SH3D19: variants seen among roughly 807,000 people sequenced by gnomAD.
SH3D19 encodes the protein SH3 domain-containing protein 19.
Under a neutral mutation model 112.1 loss-of-function variants are expected in SH3D19, and 58 were observed. The ratio of observed to expected loss-of-function variants is 0.52; its 90% confidence interval spans 0.42 to 0.64. The LOEUF (loss-of-function observed/expected upper bound fraction) is 0.64, where lower values mean the gene tolerates loss of function less well. Among genes scored for constraint, SH3D19 ranks in the 30% least tolerant of loss-of-function variants. The pLI, the probability that SH3D19 is intolerant of heterozygous loss-of-function variation, is 0.00. For synonymous variants in SH3D19, 391 were observed against 448.5 expected, an observed-to-expected ratio of 0.87 and a Z score of 1.62; for missense variants, 1,090 against 1,263.4, an observed-to-expected ratio of 0.86 and a Z score of 2.08.
Position 151,147,999 on chromosome 4 carries a change from T to G in SH3D19, c.2005A>C (p.Ser669Arg), listed in dbSNP as rs1414299532. The change falls in exon 11 of 20, where the codon AGT (serine) becomes CGT (arginine). Residue 669 changes from serine to arginine, a missense_variant. By Grantham distance (110) the Ser-to-Arg change is moderately radical. Coordinates refer to ENST00000604030, the MANE Select transcript of SH3D19 (RefSeq NM_001378122.1). ...NLATGLSKAK[S>R]QVFKNQDPVL... ...GGATCTTGATTTTTAAAAACTTGAC[T>G]CTTGGCTTTTGAGAGTCCAGTTGCC... The G allele has an allele frequency of 1.2e-6, 2 of 1,614,196 alleles. No homozygotes were observed. Among genetic ancestry groups the G allele is most frequent in the South Asian group, 2.2e-5 (2 of 91,086 alleles).
chr4:151,173,506 C>G (rs570519335), intron 7 of SH3D19, among the ~76,000 whole-genome samples: 1 of 152,138 alleles, frequency 6.6e-6, no homozygotes, highest in East Asian at 1.9e-4. Flanking sequence ...AACTCACAGA[C>G]GGTTGTTGCA....
intron 12 of SH3D19, among the ~76,000 whole-genome samples, chr4:151,143,291 T>A (rs1034851759): frequency 1.1e-4 from 16 of 152,154 alleles, no homozygotes; most frequent in African/African-American, 3.9e-4. Context: ...GAAAGCTTTT[T>A]GGCAGTATAA....
intron 2 of SH3D19, among the ~76,000 whole-genome samples, chr4:151,223,193 CTTT>C (rs34770104): frequency 6.9e-6 from 1 of 145,050 alleles, no homozygotes; most frequent in East Asian, 2.0e-4. Flanking sequence ...TTCCCAACAA[CTTT>C]TTTTTTTTTT....
chr4:151,156,280 A>G (rs1001314125), intron 9 of SH3D19, among the ~76,000 whole-genome samples: 10 of 152,146 alleles, frequency 6.6e-5, no homozygotes, highest in African/African-American at 9.7e-5. Flanking sequence ...TGCAATCCCT[A>G]TCAAAATACA....
At chr4:151,163,186 G>T (rs1439501147) in intron 8 of SH3D19, among the ~76,000 whole-genome samples, 1 of 152,094 alleles carries the variant, frequency 6.6e-6, no homozygotes, top group Non-Finnish European at 1.5e-5. Flanking sequence ...CTTGCATCTG[G>T]TTTCCTCCAG....
At chr4:151,171,016 A>G (rs182166287) in intron 7 of SH3D19, among the ~76,000 whole-genome samples, 1 of 152,330 alleles carries the variant, frequency 6.6e-6, no homozygotes, top group Admixed American at 6.5e-5. Context: ...AGTAGGGGAT[A>G]ATAGGTCTCC....
intron 2 of SH3D19, among the ~76,000 whole-genome samples, chr4:151,216,119 G>A (rs974663878): frequency 6.6e-6 from 1 of 152,132 alleles, no homozygotes; most frequent in Admixed American, 6.5e-5. Context: ...ATGAGCCACC[G>A]CGCCCAGCCA....
At chr4:151,177,297 G>A (rs1020532600) in intron 4 of SH3D19, among the ~76,000 whole-genome samples, 1 of 152,184 alleles carries the variant, frequency 6.6e-6, no homozygotes, top group African/African-American at 2.4e-5. Flanking sequence ...AACATACAGT[G>A]TAAGGTATAA....
Position 151,128,317 on chromosome 4 carries a change from T to G in SH3D19, c.2782A>C (p.Ser928Arg), listed in dbSNP as rs762410739. Residue 928 changes from serine (S) to arginine (R), a missense_variant, in exon 18 of 20, where the codon AGT (serine) becomes CGT (arginine). Transcript: ENST00000604030. Reference sequence around the variant, plus strand: ...TCATCACTGGTCTCTGCTGTAAAACTGTGAAGAGCTTCACACCATTCTGCC... The same window carrying G: ...TCATCACTGGTCTCTGCTGTAAAACGGTGAAGAGCTTCACACCATTCTGCC... ...LPAEWCEALHSFTAETSDDLS... is the reference protein window; with the variant it reads ...LPAEWCEALHRFTAETSDDLS... 9.9e-6 allele frequency: 16 copies of G among 1,613,924 alleles called. No individual in the cohort carries two copies. In the South Asian group the frequency reaches 1.6e-4, roughly 17 times the overall value.
At chr4:151,214,783 C>T (rs1212791226) in intron 2 of SH3D19, among the ~76,000 whole-genome samples, 1 of 126,538 alleles carries the variant, frequency 7.9e-6, no homozygotes, top group Non-Finnish European at 1.8e-5. Flanking sequence ...CACCTCCCTC[C>T]CGGACGGAGC....
rs566215627 is a variant in SH3D19, at chr4:151,205,247, C to T, written c.153-17784G>A. Among the ~76,000 whole-genome samples, 67 of 152,302 alleles carry T rather than the reference C, an allele frequency of 4.4e-4. No homozygotes were observed. The South Asian group carries it at 0.014, about 31-fold the overall frequency. ...CTTTGTGCAGTGCTGGGAAACACGG[C>T]GGCTTTTTGTGCAAGCTCTCATTCT... is the stretch of plus-strand genomic sequence containing the variant. On this transcript the variant is annotated intron_variant, in intron 2 of 19. Coordinates refer to ENST00000604030, the MANE Select transcript of SH3D19 (RefSeq NM_001378122.1).
At chr4:151,277,168 G>A (rs1374275951) in intron 1 of SH3D19, 46 of 1,466,570 alleles carry the variant, frequency 3.1e-5, no homozygotes, top group Non-Finnish European at 4.0e-5. Flanking sequence ...TCTGAGGACA[G>A]AGACATGGGC....
intron 1 of SH3D19, among the ~76,000 whole-genome samples, chr4:151,267,327 C>A (rs925495782): frequency 1.3e-5 from 2 of 151,898 alleles, no homozygotes; most frequent in East Asian, 1.9e-4. Context: ...AGAGCAAGAC[C>A]CTGTTGTCAA....
chr4:151,270,755 G>A (rs1399253190), intron 1 of SH3D19, among the ~76,000 whole-genome samples: 1 of 152,092 alleles, frequency 6.6e-6, no homozygotes, highest in Non-Finnish European at 1.5e-5. Flanking sequence ...GGTCTGAAAT[G>A]TCATTATGAG....
intron 1 of SH3D19, among the ~76,000 whole-genome samples, chr4:151,264,427 C>CAA (rs34271780): frequency 0.36 from 37,818 of 105,422 alleles, 7,850 homozygotes; most frequent in Middle Eastern, 0.46. Context: ...GACTCTGTCT[C>CAA]AAAAAAAAAA....
chr4:151,125,432 C>T (rs1482073794), intron 19 of SH3D19, among the ~76,000 whole-genome samples: 1 of 146,380 alleles, frequency 6.8e-6, no homozygotes, highest in Non-Finnish European at 1.5e-5. Context: ...TGTCACTGCA[C>T]CTCAGCCTGG....
At chr4:151,192,936 G>A (rs1437364292) in intron 2 of SH3D19, among the ~76,000 whole-genome samples, 3 of 151,334 alleles carry the variant, frequency 2.0e-5, no homozygotes, top group Non-Finnish European at 4.4e-5. Context: ...ATCAGAATAT[G>A]TTGCCTTGTC....
chr4:151,135,389 C>A (rs1392516909), intron 14 of SH3D19, among the ~76,000 whole-genome samples: 4 of 148,694 alleles, frequency 2.7e-5, no homozygotes, highest in East Asian at 3.9e-4. Context: ...ACATTAATAT[C>A]ACTCTAATTC....
At chr4:151,230,551 T>G (rs1392219020) in intron 1 of SH3D19, among the ~76,000 whole-genome samples, 1 of 151,916 alleles carries the variant, frequency 6.6e-6, no homozygotes, top group Non-Finnish European at 1.5e-5. Context: ...TGAATGAATA[T>G]ACACAGATAT....
Sources: allele counts gnomAD v4.1 joint callset (sites outside exome capture counted in the v4.1 genomes callset), GRCh38; gene constraint gnomAD v4.1.1; transcripts MANE v1.5; gene names NCBI Gene and HGNC (gene_info 2026-07-23, HGNC 2026-07-21).